Variants in LALBA observed in about 807,000 individuals in gnomAD.
LALBA encodes the protein alpha-lactalbumin.
In LALBA, 12 loss-of-function variants were observed where a neutral mutation model predicts 13.4. The ratio of observed to expected loss-of-function variants is 0.89; its 90% confidence interval spans 0.57 to 1.45. The LOEUF (loss-of-function observed/expected upper bound fraction) is 1.45, where lower values mean the gene tolerates loss of function less well. Ranked by LOEUF, LALBA falls within the 40% of genes most tolerant of loss-of-function variation. LALBA has a pLI of 0.00. For synonymous variants in LALBA, 64 were observed against 61.0 expected (o/e 1.05, Z -0.23); for missense variants, 145 against 165.9 (o/e 0.87, Z 0.69).
At chr12:48,570,601 A>G (rs578048650), upstream of LALBA, among the ~76,000 whole-genome samples, 30 of 152,168 alleles carry the variant, frequency 2.0e-4, no homozygotes, top group Non-Finnish European at 3.2e-4. Context: ...ATAGGAATAG[A>G]ATATGGGAAC....
upstream of LALBA, chr12:48,570,065 C>T (rs1299388620): frequency 1.9e-6 from 3 of 1,610,022 alleles, no homozygotes; most frequent in African/African-American, 1.3e-5. Flanking sequence ...CACTCAGTTT[C>T]ATTTATTTAT....
rs1403963634 is a variant in LALBA, at chr12:48,568,153, A to C, written c.369-136T>G. 4 of 711,322 alleles carry C rather than the reference A, an allele frequency of 5.6e-6. No homozygotes were observed. The African/African-American group carries it at 7.0e-5, about 13-fold the overall frequency. 44.1% of individuals were successfully genotyped at this position (711,322 alleles called of 1,614,324 possible). On this transcript the variant is annotated intron_variant, in intron 3 of 3. Transcript: ENST00000301046. ...GGCCTGATGTCAAGCGACACAAGCCATCAAGTGGAATACAGTCCATAAAAA... is the reference window on the plus strand; with the variant it reads ...GGCCTGATGTCAAGCGACACAAGCCCTCAAGTGGAATACAGTCCATAAAAA...
At chr12:48,571,719 C>A (rs534265909), upstream of LALBA, among the ~76,000 whole-genome samples, 1 of 152,160 alleles carries the variant, frequency 6.6e-6, no homozygotes, top group African/African-American at 2.4e-5. Context: ...TTATCCCAAC[C>A]AATCTATTTA....
chr12:48,571,166 A>G (rs1349342475), upstream of LALBA, among the ~76,000 whole-genome samples: 1 of 152,076 alleles, frequency 6.6e-6, no homozygotes, highest in Non-Finnish European at 1.5e-5. Context: ...GACCCAAGCC[A>G]GTGGAAAGAT....
rs1461769887 is a variant in LALBA at position 48,569,877 on chromosome 12, AG to A, written c.133+10del. The A allele has an allele frequency of 6.2e-7, 1 of 1,613,552 alleles. No homozygotes were observed. The stretch of plus-strand genomic sequence containing the variant: ...TGAGGAATGGATGAAACACAGAGGC[AG>A]GGAACTCACATTCAGGCAAAGCGAT... On this transcript the variant is annotated intron_variant, in intron 1 of 3. Transcript: ENST00000301046.
upstream of LALBA, among the ~76,000 whole-genome samples, chr12:48,571,611 C>G (rs1191382360): frequency 2.0e-5 from 3 of 151,988 alleles, no homozygotes; most frequent in Admixed American, 1.3e-4. Context: ...TCTCAAACTT[C>G]TGAGCTCAGG....
chr12:48,568,200 T>C (rs1398385561), intron 3 of LALBA, 183 bp from the exon 4 acceptor site: 6 of 630,844 alleles, frequency 9.5e-6, no homozygotes, highest in African/African-American at 1.8e-5. Context: ...AATTGTAGGG[T>C]TAAAAAAGAG....
At chr12:48,569,822 A>G (rs937699851) in intron 1 of LALBA, 66 bp downstream of exon 1, 72 of 1,537,748 alleles carry the variant, frequency 4.7e-5, no homozygotes, top group Non-Finnish European at 6.3e-5. Flanking sequence ...GGCGAAGTGG[A>G]AGAAAGAGGG....
At chr12:48,568,652 T>A in intron 2 of LALBA, 60 bp from the exon 3 acceptor site, 1 of 995,536 alleles carries the variant, frequency 1.0e-6, no homozygotes, top group Non-Finnish European at 1.6e-6. Context: ...AGAAAGGCAC[T>A]GAGTTCCCCT....
chr12:48,568,818 AC>A (rs1196123950), intron 2 of LALBA, among the ~76,000 whole-genome samples: 16 of 152,308 alleles, frequency 1.1e-4, no homozygotes, highest in Non-Finnish European at 2.1e-4. Context: ...CAACTGACTT[AC>A]CCTGAAAATG....
At chr12:48,568,361 G>A in intron 3 of LALBA, 156 bp downstream of exon 3, 1 of 654,556 alleles carries the variant, frequency 1.5e-6, no homozygotes, top group South Asian at 1.8e-5. Context: ...AGCGAGAGAG[G>A]CTTAATAACA....
Position 48,569,965 on chromosome 12 carries a change from G to C in LALBA, c.56C>G (p.Ala19Gly). 1 of 1,613,986 alleles carries C rather than the reference G, an allele frequency of 6.2e-7. No individual in the cohort carries two copies. Among genetic ancestry groups the C allele is most frequent in the Non-Finnish European group, 8.5e-7 (1 of 1,179,944 alleles). ...CAGCTCACATTTTGTGAATTGCTTG[G>C]CCAGGATGGCAGGGAACAGGATGCC... ...LVGILFPAIL[A>G]KQFTKCELSQ... Residue 19 changes from alanine to glycine, a missense_variant, in exon 1 of 4, where the codon GCC becomes GGC. Transcript: ENST00000301046.
chr12:48,569,253 T>C lies in LALBA; in HGVS notation c.134-13A>G. On this transcript the variant is annotated splice_polypyrimidine_tract_variant and intron_variant, in intron 1 of 3. Transcript: ENST00000301046. Reference sequence around the variant, plus strand: ...ATGGTACAGATCACTGAGGGAAAGATGAGAAAGAGATACCACAGAGATGTA... The same window carrying C: ...ATGGTACAGATCACTGAGGGAAAGACGAGAAAGAGATACCACAGAGATGTA... The C allele has an allele frequency of 5.0e-6, 8 of 1,604,060 alleles. No individual in the cohort carries two copies. Among genetic ancestry groups the C allele is most frequent in the South Asian group, 1.1e-5 (1 of 90,222 alleles).
At chr12:48,570,143 T>C, upstream of LALBA, 1 of 1,060,922 alleles carries the variant, frequency 9.4e-7, no homozygotes, top group South Asian at 1.5e-5. Flanking sequence ...GAAGAGAGAC[T>C]GGTCATGCCA....
chr12:48,571,740 A>G (rs976834474), upstream of LALBA, among the ~76,000 whole-genome samples: 4 of 152,224 alleles, frequency 2.6e-5, no homozygotes, highest in African/African-American at 9.6e-5. Flanking sequence ...AGACTTACAT[A>G]CTGAAGGTCT....
At chr12:48,571,386 C>CCTTTTTTT (rs577621862), upstream of LALBA, among the ~76,000 whole-genome samples, 1 of 98,056 alleles carries the variant, frequency 1.0e-5, no homozygotes, top group South Asian at 3.6e-4. Context: ...CTTCTTCTTC[C>CCTTTTTTT]TTTTTTTTTT....
chr12:48,570,555 T>G (rs1938620813), upstream of LALBA, among the ~76,000 whole-genome samples: 1 of 152,118 alleles, frequency 6.6e-6, no homozygotes, highest in African/African-American at 2.4e-5. Flanking sequence ...CAGAATTAGT[T>G]CTTTAATATG....
Position 48,570,031 on chromosome 12 carries a change from C to T in LALBA, c.-11G>A, listed in dbSNP as rs1261272249. The T allele has an allele frequency of 6.2e-7, 1 of 1,613,354 alleles. No homozygotes were observed. Among genetic ancestry groups the T allele is most frequent in the Non-Finnish European group, 8.5e-7 (1 of 1,179,768 alleles). ...GACAAAGAACCTCATTTTGGCTACC[C>T]CCAAGAACCTGAAATGGAAGCATCA... On this transcript the variant is annotated 5_prime_UTR_variant, in exon 1 of 4. Transcript: ENST00000301046.
intron 2 of LALBA, 73 bp from the exon 3 acceptor site, chr12:48,568,665 C>G: frequency 1.1e-6 from 1 of 870,756 alleles, no homozygotes. Context: ...GTTCCCCTAA[C>G]CCCTGGATCC....
Sources: allele counts gnomAD v4.1 joint callset (sites outside exome capture counted in the v4.1 genomes callset), GRCh38; gene constraint gnomAD v4.1.1; transcripts MANE v1.5; gene names NCBI Gene and HGNC (gene_info 2026-07-23, HGNC 2026-07-21).